The following SCMH1 variants were observed in gnomAD, a reference collection of about 807,000 sequenced individuals.
The protein encoded by SCMH1 is polycomb protein SCMH1.
SCMH1 carries 37 observed loss-of-function variants against 70.8 expected under a neutral mutation model. That is an observed-to-expected ratio of 0.52 (90% CI 0.40 to 0.69). The LOEUF (loss-of-function observed/expected upper bound fraction) is 0.69. SCMH1 is among the 30% of genes least tolerant of loss of function. The probability of loss-of-function intolerance (pLI) is 0.00; values close to 1 mark genes in which losing one functional copy is unlikely to be tolerated. For missense variants in SCMH1, 607 were observed against 827.3 expected (o/e 0.73, Z 3.27); for synonymous variants, 292 against 307.4 (o/e 0.95, Z 0.52).
chr1:41,155,609 A>C (rs1296484128), intron 4 of SCMH1, among the ~76,000 whole-genome samples: 12 of 152,182 alleles, frequency 7.9e-5, no homozygotes, highest in Admixed American at 7.9e-4. Flanking sequence ...AAATTTAAAA[A>C]AATAAAAGTA....
chr1:41,133,365 C>T (rs1042690368), intron 6 of SCMH1, among the ~76,000 whole-genome samples: 7 of 151,988 alleles, frequency 4.6e-5, no homozygotes, highest in African/African-American at 1.7e-4. Context: ...CCTAACATCA[C>T]AATGAAAAGA....
chr1:41,112,302 G>A (rs1320299855), intron 8 of SCMH1, among the ~76,000 whole-genome samples: 2 of 152,102 alleles, frequency 1.3e-5, no homozygotes, highest in African/African-American at 4.8e-5. Flanking sequence ...GAATTCAACA[G>A]AGGTTTAGAA....
intron 4 of SCMH1, chr1:41,159,801 G>A: frequency 6.8e-7 from 1 of 1,479,510 alleles, no homozygotes; most frequent in Non-Finnish European, 9.0e-7. Context: ...CAGAAGATTT[G>A]ACTTTTAGAG....
In SCMH1 at chr1:41,205,175, A is replaced by G. The variant is rs568837783; in HGVS notation, c.-117-18925T>C. On this transcript the variant is annotated intron_variant, in intron 1 of 14. Transcript: ENST00000337495. ...CATTTCCAACTGAGGTATCTGGTTC[A>G]TCTCATTGGGACTGGTTGGACAGTG... is the stretch of plus-strand genomic sequence containing the variant. Among the ~76,000 whole-genome samples, 7 of 152,288 alleles carry G rather than the reference A, an allele frequency of 4.6e-5. No homozygotes were observed. The East Asian group carries it at 1.2e-3, about 25-fold the overall frequency.
chr1:41,063,955 A>T (rs535144776), intron 10 of SCMH1, among the ~76,000 whole-genome samples: 1 of 152,370 alleles, frequency 6.6e-6, no homozygotes, highest in African/African-American at 2.4e-5. Context: ...AAGCAGAAGG[A>T]ATATTTTCTA....
chr1:41,168,451 T>TA (rs1646557803), intron 2 of SCMH1, among the ~76,000 whole-genome samples: 1 of 152,176 alleles, frequency 6.6e-6, no homozygotes, highest in African/African-American at 2.4e-5. Flanking sequence ...TTAGTTCAGT[T>TA]ACAGTATTTT....
intron 2 of SCMH1, among the ~76,000 whole-genome samples, chr1:41,178,967 T>C (rs1346654004): frequency 1.3e-5 from 2 of 152,178 alleles, no homozygotes; most frequent in African/African-American, 2.4e-5. Flanking sequence ...TATTCCAAAA[T>C]TGACCACATA....
In SCMH1 at chr1:41,212,718, G is replaced by A. The variant is rs181996184; in HGVS notation, c.-117-26468C>T. On this transcript the variant is annotated intron_variant, in intron 1 of 14. Coordinates refer to ENST00000337495, the Ensembl canonical transcript of SCMH1. The stretch of plus-strand genomic sequence containing the variant: ...TGATAGAAAATATTGAGATACATGA[G>A]ATTTTAAGACCATGCTGGCAACCCA... 1.8e-4 allele frequency among the ~76,000 whole-genome samples: 27 copies of A among 152,298 alleles called. No individual in the cohort carries two copies. In the East Asian group the frequency reaches 3.3e-3, roughly 18 times the overall value.
intron 13 of SCMH1, among the ~76,000 whole-genome samples, chr1:41,036,915 C>T (rs1213624110): frequency 6.6e-6 from 1 of 152,164 alleles, no homozygotes; most frequent in Non-Finnish European, 1.5e-5. Context: ...GAACACCAAG[C>T]TTGGGTTAGG....
At position 41,143,984 on chromosome 1, in the gene SCMH1, T is replaced by C. The variant is rs141210036; in HGVS notation, c.178-872A>G. Among the ~76,000 whole-genome samples the C allele has an allele frequency of 7.3e-3, 1,107 of 152,334 alleles. 17 individuals carry two copies. The highest frequency in any genetic ancestry group is 0.025 in the African/African-American group (1,048 of 41,574). On this transcript the variant is annotated intron_variant, in intron 5 of 14. Coordinates refer to ENST00000337495, the Ensembl canonical transcript of SCMH1. ...TTTGGTTTGTTCCAGCTCTTGGCGA[T>C]TACAAATAAAGCTGCTAGAAACATT...
At chr1:41,073,812 G>A (rs965772911) in intron 9 of SCMH1, among the ~76,000 whole-genome samples, 10 of 152,170 alleles carry the variant, frequency 6.6e-5, no homozygotes, top group Non-Finnish European at 1.3e-4. Flanking sequence ...TACAAGGACT[G>A]AAGTCAGTGA....
exon 14 of SCMH1, chr1:41,028,690 C>T (rs376364655): frequency 2.3e-5 from 37 of 1,613,934 alleles, no homozygotes; most frequent in African/African-American, 8.0e-5. Context: ...GCCACTCAGT[C>T]GAGAGGCATC....
chr1:41,051,312 G>A (rs1281070855), intron 10 of SCMH1, among the ~76,000 whole-genome samples: 9 of 152,178 alleles, frequency 5.9e-5, no homozygotes, highest in Non-Finnish European at 1.3e-4. Context: ...ATAGGATTAC[G>A]TAGAGTACAT....
rs539907095 is a variant in SCMH1 at position 41,153,313 on chromosome 1, G to A, written c.107-1629C>T. 1.9e-3 allele frequency among the ~76,000 whole-genome samples: 293 copies of A among 152,222 alleles called. 2 individuals carry two copies. Among genetic ancestry groups the A allele is most frequent in the African/African-American group, 6.8e-3 (282 of 41,552 alleles). On this transcript the variant is annotated intron_variant, in intron 4 of 14. Transcript: ENST00000337495. The stretch of plus-strand genomic sequence containing the variant: ...TATTGGATACTTGAAATGTGGGTAC[G>A]TAAGAAACTAAATTTTTTAAATTTT...
At chr1:41,154,629 T>A (rs1315341707) in intron 4 of SCMH1, among the ~76,000 whole-genome samples, 2 of 152,214 alleles carry the variant, frequency 1.3e-5, no homozygotes, top group African/African-American at 4.8e-5. Flanking sequence ...TCTGTTATGA[T>A]AATGATAAAG....
At chr1:41,138,493 C>G (rs990428592) in intron 6 of SCMH1, among the ~76,000 whole-genome samples, 6 of 151,848 alleles carry the variant, frequency 4.0e-5, no homozygotes, top group African/African-American at 1.5e-4. Context: ...ACTTTTTAAC[C>G]TTTTCTAATA....
chr1:41,033,598 AAGG>A (rs966687228), intron 13 of SCMH1, among the ~76,000 whole-genome samples: 10 of 152,086 alleles, frequency 6.6e-5, no homozygotes, highest in Non-Finnish European at 1.2e-4. Flanking sequence ...CTTACTCTTC[AAGG>A]AGGGCTTGTT....
At chr1:41,180,165 C>G (rs1380345548) in intron 2 of SCMH1, among the ~76,000 whole-genome samples, 1 of 152,124 alleles carries the variant, frequency 6.6e-6, no homozygotes, top group Non-Finnish European at 1.5e-5. Flanking sequence ...AATTCAACAA[C>G]ACTTCATGCT....
intron 1 of SCMH1, among the ~76,000 whole-genome samples, chr1:41,196,599 A>G (rs1653077497): frequency 6.6e-6 from 1 of 152,224 alleles, no homozygotes; most frequent in Non-Finnish European, 1.5e-5. Context: ...TAAAACTCTT[A>G]GAAGAAAACA....
Sources: gnomAD v4.1 joint callset for allele counts (sites outside exome capture counted in the v4.1 genomes callset) on GRCh38, gnomAD v4.1.1 for gene constraint, MANE v1.5 for transcripts, NCBI Gene and HGNC (gene_info 2026-07-23, HGNC 2026-07-21) for gene names.